CCDC171: variants seen among roughly 807,000 people sequenced by gnomAD.
CCDC171 encodes the protein coiled-coil domain containing 171.
A neutral mutation model predicts 168.2 loss-of-function variants in CCDC171; 177 were observed. That is an observed-to-expected ratio of 1.05 (90% CI 0.93 to 1.19). The LOEUF (loss-of-function observed/expected upper bound fraction) is 1.19, where lower values mean the gene tolerates loss of function less well. CCDC171 is among the 50% of genes most tolerant of loss of function. The pLI is 0.00. For synonymous variants in CCDC171, 687 were observed against 540.8 expected (o/e 1.27, Z -3.75); for missense variants, 1,991 against 1,539.0 (o/e 1.29, Z -4.91).
intron 7 of CCDC171, among the ~76,000 whole-genome samples, chr9:15,636,690 C>T (rs1239260972): frequency 7.2e-6 from 1 of 138,926 alleles, no homozygotes; most frequent in African/African-American, 2.7e-5. Flanking sequence ...TTTGGGCCTG[C>T]AGTGAGCTGT....
chr9:15,968,897 A>T (rs1831074302), intron 25 of CCDC171, among the ~76,000 whole-genome samples: 1 of 152,150 alleles, frequency 6.6e-6, no homozygotes, highest in South Asian at 2.1e-4. Flanking sequence ...CATTTCATGA[A>T]AAAAGTTTTT....
chr9:15,553,345 G>T (rs1056414830), intron 1 of CCDC171, 43 bp downstream of exon 1: 6 of 152,552 alleles, frequency 3.9e-5, no homozygotes, highest in Non-Finnish European at 7.3e-5. Flanking sequence ...CGACTTGGGA[G>T]GGAGGTGTTG....
At chr9:16,057,486 G>C (rs1420968759) in intron 1 of CCDC171, among the ~76,000 whole-genome samples, 1 of 152,080 alleles carries the variant, frequency 6.6e-6, no homozygotes, top group African/African-American at 2.4e-5. Context: ...ATTTTGTTTT[G>C]TTTTTGGCTT....
intron 1 of CCDC171, among the ~76,000 whole-genome samples, chr9:15,560,564 G>A (rs1028597276): frequency 1.3e-5 from 2 of 151,984 alleles, no homozygotes; most frequent in African/African-American, 2.4e-5. Flanking sequence ...TCTTGCCATC[G>A]TTTTCAGCTC....
chr9:15,681,691 G>T (rs557454556), intron 10 of CCDC171, among the ~76,000 whole-genome samples: 1 of 151,694 alleles, frequency 6.6e-6, no homozygotes, highest in Non-Finnish European at 1.5e-5. Context: ...GGGAAAGAAG[G>T]CTTGCAAAGT....
intron 24 of CCDC171, among the ~76,000 whole-genome samples, chr9:15,909,905 G>T (rs1055767991): frequency 4.1e-4 from 62 of 152,132 alleles, no homozygotes; most frequent in African/African-American, 1.4e-3. Flanking sequence ...GGTGAAGTCT[G>T]CTCTTTTAGT....
intron 25 of CCDC171, among the ~76,000 whole-genome samples, chr9:15,950,105 C>G (rs1460877645): frequency 6.6e-6 from 1 of 151,996 alleles, no homozygotes; most frequent in East Asian, 1.9e-4. Context: ...AGCAAAGCCT[C>G]CAAGAAATAT....
intron 4 of CCDC171, among the ~76,000 whole-genome samples, chr9:15,590,785 CTTTCTTTCTTTCTTTCTTTCTT>C (rs1170963479): frequency 2.3e-4 from 14 of 61,378 alleles, no homozygotes; most frequent in African/African-American, 5.4e-4. Flanking sequence ...TTCTTTCTTT[CTTTCTTTCTTTCTTTCTTTCTT>C]TCTTTCTTTC....
At chr9:15,949,411 G>A (rs1034431037) in intron 25 of CCDC171, among the ~76,000 whole-genome samples, 3 of 152,098 alleles carry the variant, frequency 2.0e-5, no homozygotes, top group Non-Finnish European at 2.9e-5. Flanking sequence ...ATTACCTTGG[G>A]CAGTATGGCC....
chr9:15,787,010 A>G (rs940588560), intron 21 of CCDC171, among the ~76,000 whole-genome samples: 6 of 152,156 alleles, frequency 3.9e-5, no homozygotes, highest in Non-Finnish European at 7.4e-5. Flanking sequence ...CTTGTTGCTT[A>G]CACAAAGCCT....
At chr9:15,721,914 C>T (rs561411439) in intron 12 of CCDC171, 39 bp downstream of exon 12, 55 of 1,084,992 alleles carry the variant, frequency 5.1e-5, no homozygotes, top group Admixed American at 1.5e-4. Flanking sequence ...ATATAGCCTT[C>T]GGCCTGTACC....
chr9:15,962,156 C>A (rs1379279711), intron 25 of CCDC171, among the ~76,000 whole-genome samples: 1 of 152,136 alleles, frequency 6.6e-6, no homozygotes, highest in East Asian at 1.9e-4. Flanking sequence ...TGTGCTACAA[C>A]ACAGGGGCTA....
chr9:15,745,019 T>G (rs1228616365), intron 17 of CCDC171, among the ~76,000 whole-genome samples: 1 of 152,214 alleles, frequency 6.6e-6, no homozygotes, highest in African/African-American at 2.4e-5. Flanking sequence ...ATTTCAACTT[T>G]GTCTTGTTTT....
At chr9:15,792,627 G>A (rs912918341) in intron 21 of CCDC171, among the ~76,000 whole-genome samples, 10 of 152,112 alleles carry the variant, frequency 6.6e-5, no homozygotes, top group Non-Finnish European at 1.0e-4. Flanking sequence ...CGGATCTCTC[G>A]GCAGAAACTC....
chr9:16,091,366 G>C, the CCDC171 span, among the ~76,000 whole-genome samples: 2 of 152,350 alleles, frequency 1.3e-5, no homozygotes, highest in South Asian at 4.1e-4. Context: ...TGCAAGATGA[G>C]ACCCAAGAGG....
chr9:15,597,671 G>C (rs1587279970), intron 6 of CCDC171, among the ~76,000 whole-genome samples: 1 of 152,170 alleles, frequency 6.6e-6, no homozygotes, highest in African/African-American at 2.4e-5. Context: ...AAATGAGTTA[G>C]GGAGGATTCC....
intron 19 of CCDC171, among the ~76,000 whole-genome samples, chr9:15,778,643 C>CAAAAAAGA (rs2057480487): frequency 1.7e-5 from 1 of 58,770 alleles, no homozygotes; most frequent in Non-Finnish European, 2.9e-5. Flanking sequence ...AAGACTGTCT[C>CAAAAAAGA]AAAAAAAAAA....
At chr9:15,864,460 G>A (rs374889332) in intron 23 of CCDC171, among the ~76,000 whole-genome samples, 7 of 151,500 alleles carry the variant, frequency 4.6e-5, no homozygotes, top group African/African-American at 7.3e-5. Flanking sequence ...CCCTCCCCCC[G>A]CTCCCCGCAC....
chr9:15,880,697 A>G (rs1439130186), intron 24 of CCDC171, among the ~76,000 whole-genome samples: 1 of 147,918 alleles, frequency 6.8e-6, no homozygotes, highest in East Asian at 2.0e-4. Context: ...GCTGGTCTCG[A>G]ACTCCTGACC....
Sources: allele counts gnomAD v4.1 joint callset (sites outside exome capture counted in the v4.1 genomes callset), GRCh38; gene constraint gnomAD v4.1.1; transcripts MANE v1.5; gene names NCBI Gene and HGNC (gene_info 2026-07-23, HGNC 2026-07-21).